PPP2R5C: variants seen among roughly 807,000 people sequenced by gnomAD.
PPP2R5C encodes the protein protein phosphatase 2 regulatory subunit B'gamma.
A neutral mutation model predicts 68.9 loss-of-function variants in PPP2R5C; 7 were observed. The observed-to-expected ratio is 0.10, with a 90% CI of 0.06 to 0.19. The LOEUF (loss-of-function observed/expected upper bound fraction) is 0.19. PPP2R5C is among the 10% of genes least tolerant of loss of function. The probability of loss-of-function intolerance (pLI) is 1.00; values close to 1 mark genes in which losing one functional copy is unlikely to be tolerated. For synonymous variants in PPP2R5C, 210 were observed against 222.2 expected, an observed-to-expected ratio of 0.95 and a Z score of 0.49; for missense variants, 348 against 641.3, an observed-to-expected ratio of 0.54 and a Z score of 4.94.
chr14:101,770,799 T>G (rs954456770), intron 2 of PPP2R5C, among the ~76,000 whole-genome samples: 1 of 152,258 alleles, frequency 6.6e-6, no homozygotes, highest in Non-Finnish European at 1.5e-5. Context: ...AGCCCTGCCA[T>G]GTGATGGTGG....
intron 1 of PPP2R5C, among the ~76,000 whole-genome samples, chr14:101,811,982 A>C (rs1434315084): frequency 6.6e-6 from 1 of 152,136 alleles, no homozygotes; most frequent in Non-Finnish European, 1.5e-5. Flanking sequence ...TATTAGCCTG[A>C]AAGAGACTTG....
intron 2 of PPP2R5C, among the ~76,000 whole-genome samples, chr14:101,775,294 A>T (rs1302020286): frequency 6.6e-6 from 1 of 152,116 alleles, no homozygotes; most frequent in Non-Finnish European, 1.5e-5. Context: ...TGCTTGTTTC[A>T]TTTGGTAAAT....
chr14:101,906,670 T>A lies in PPP2R5C; in HGVS notation c.1151+141T>A. ...TCAGTTGCTTTGTGGACTCATAAATTAAGTAGCAGCGTGGGTTGTTTCTGT... is the reference window on the plus strand; with the variant it reads ...TCAGTTGCTTTGTGGACTCATAAATAAAGTAGCAGCGTGGGTTGTTTCTGT... On this transcript the variant is annotated intron_variant, in intron 10 of 13. Coordinates refer to ENST00000334743, the Ensembl canonical transcript of PPP2R5C. This position sits in a 1 kb window ranked among gnomAD's most constrained non-coding sequence, Gnocchi z 4.0. 8.7e-7 allele frequency: 1 copy of A among 1,146,268 alleles called. No individual in the cohort carries two copies. Among genetic ancestry groups the A allele is most frequent in the Non-Finnish European group, 1.2e-6 (1 of 826,842 alleles). 71.0% of individuals were successfully genotyped at this position (1,146,268 alleles called of 1,614,324 possible).
chr14:101,922,251 G>T (rs1432286358), intron 13 of PPP2R5C: 1 of 926,260 alleles, frequency 1.1e-6, no homozygotes, highest in Non-Finnish European at 1.3e-6. Flanking sequence ...CACTTTGGGA[G>T]GCCGAGGCGG....
At chr14:101,790,314 A>C (rs1473220735) in intron 3 of PPP2R5C, among the ~76,000 whole-genome samples, 1 of 152,194 alleles carries the variant, frequency 6.6e-6, no homozygotes, top group Non-Finnish European at 1.5e-5. Flanking sequence ...TGGAAAATTT[A>C]GTTATTTTAG....
chr14:101,809,263 G>A (rs536576699), upstream of PPP2R5C, among the ~76,000 whole-genome samples: 1 of 151,648 alleles, frequency 6.6e-6, no homozygotes, highest in South Asian at 2.1e-4. Flanking sequence ...TTTTTTCAGG[G>A]AAAAAATAGA....
intron 1 of PPP2R5C, among the ~76,000 whole-genome samples, chr14:101,822,847 A>G (rs2040163470): frequency 6.6e-6 from 1 of 152,240 alleles, no homozygotes; most frequent in African/African-American, 2.4e-5. Flanking sequence ...TTATTATCCA[A>G]TTAAATGAAC....
chr14:101,793,277 A>G (rs1030640619), intron 3 of PPP2R5C, among the ~76,000 whole-genome samples: 1 of 152,244 alleles, frequency 6.6e-6, no homozygotes, highest in Non-Finnish European at 1.5e-5. Context: ...CTGGTCTGAC[A>G]TTACTTTTAA....
intron 11 of PPP2R5C, among the ~76,000 whole-genome samples, chr14:101,910,289 A>T (rs1407838081): frequency 2.0e-5 from 3 of 152,220 alleles, no homozygotes; most frequent in Non-Finnish European, 4.4e-5. Context: ...TTCCAAGTTG[A>T]GTATGGACTA....
At chr14:101,902,717 A>T (rs538883204) in intron 9 of PPP2R5C, among the ~76,000 whole-genome samples, 1 of 152,326 alleles carries the variant, frequency 6.6e-6, no homozygotes, top group African/African-American at 2.4e-5. Context: ...CCTTAGCACA[A>T]GTCTAAGTGG....
intron 2 of PPP2R5C, among the ~76,000 whole-genome samples, chr14:101,859,016 C>T (rs1170097054): frequency 6.6e-6 from 1 of 152,202 alleles, no homozygotes; most frequent in African/African-American, 2.4e-5. Flanking sequence ...CTTGATTCTC[C>T]TCCTGCTGTA....
Position 101,906,911 on chromosome 14 carries a change from C to T in PPP2R5C, c.1151+382C>T, listed in dbSNP as rs1418295031. On this transcript the variant is annotated intron_variant, in intron 10 of 13. Coordinates refer to ENST00000334743, the Ensembl canonical transcript of PPP2R5C. The surrounding 1 kb of genome is among the most constrained non-coding windows in gnomAD (Gnocchi z 4.0). Reference sequence around the variant, plus strand: ...TCTATTGAGCTCTGCTGACATGCACCCTGGATGAGCCCCTGTGTGAGACCC... The same window carrying T: ...TCTATTGAGCTCTGCTGACATGCACTCTGGATGAGCCCCTGTGTGAGACCC... Among the ~76,000 whole-genome samples, 3 of 152,130 alleles carry T rather than the reference C, an allele frequency of 2.0e-5. No individual in the cohort carries two copies. Among genetic ancestry groups the T allele is most frequent in the African/African-American group, 4.8e-5 (2 of 41,436 alleles).
At chr14:101,858,739 A>G (rs1298470140) in intron 2 of PPP2R5C, among the ~76,000 whole-genome samples, 2 of 152,150 alleles carry the variant, frequency 1.3e-5, no homozygotes, top group African/African-American at 2.4e-5. Flanking sequence ...AGATTTTCCT[A>G]TGTTTAAGAA....
At chr14:101,815,714 G>T (rs2039617884) in intron 1 of PPP2R5C, among the ~76,000 whole-genome samples, 1 of 152,216 alleles carries the variant, frequency 6.6e-6, no homozygotes, top group Non-Finnish European at 1.5e-5. Flanking sequence ...TTGTCACCCA[G>T]GCTGGGGTGC....
chr14:101,776,803 T>G (rs1273318515), intron 2 of PPP2R5C, among the ~76,000 whole-genome samples: 2 of 152,182 alleles, frequency 1.3e-5, no homozygotes, highest in African/African-American at 4.8e-5. Flanking sequence ...ATATTTGTCC[T>G]TCTGTGTCTG....
intron 1 of PPP2R5C, chr14:101,819,972 C>G (rs1310041512): frequency 1.3e-5 from 2 of 152,194 alleles, no homozygotes; most frequent in Non-Finnish European, 2.9e-5. Flanking sequence ...TGAAGCCGTT[C>G]TAGCATGCTG....
chr14:101,850,338 G>A (rs1314430517), intron 1 of PPP2R5C, among the ~76,000 whole-genome samples: 1 of 152,194 alleles, frequency 6.6e-6, no homozygotes, highest in Non-Finnish European at 1.5e-5. Flanking sequence ...TATTGCAACA[G>A]CAGTTAGAAA....
At chr14:101,860,905 G>C (rs2042700290) in intron 2 of PPP2R5C, among the ~76,000 whole-genome samples, 1 of 152,196 alleles carries the variant, frequency 6.6e-6, no homozygotes. Context: ...ATTGGGTTCA[G>C]AGAGATGCGG....
chr14:101,782,982 TC>T (rs1213044086), intron 2 of PPP2R5C, among the ~76,000 whole-genome samples: 2 of 226 alleles, frequency 8.8e-3, no homozygotes, highest in Non-Finnish European at 0.01. Context: ...CCCCCTCCCT[TC>T]CCCCTCCCCC....
Sources: allele counts gnomAD v4.1 joint callset (sites outside exome capture counted in the v4.1 genomes callset), GRCh38; gene constraint gnomAD v4.1.1; non-coding constraint Gnocchi (gnomAD v3.1); transcripts MANE v1.5; gene names NCBI Gene and HGNC (gene_info 2026-07-23, HGNC 2026-07-21).